The following MGMT variants were observed in gnomAD, a reference collection of about 807,000 sequenced individuals.
MGMT encodes the protein O-6-methylguanine-DNA methyltransferase.
A neutral mutation model predicts 15.9 loss-of-function variants in MGMT; 14 were observed. That is an observed-to-expected ratio of 0.88 (90% CI 0.58 to 1.37). The LOEUF is 1.37. Among genes scored for constraint, MGMT ranks in the 40% most tolerant of loss-of-function variants. The probability of loss-of-function intolerance (pLI) is 0.00; values close to 1 mark genes in which losing one functional copy is unlikely to be tolerated. For synonymous variants in MGMT, 130 were observed against 118.2 expected (o/e 1.10, Z -0.65); for missense variants, 282 against 268.1 (o/e 1.05, Z -0.36).
At chr10:129,650,806 AG>A (rs1847448577) in intron 2 of MGMT, among the ~76,000 whole-genome samples, 1 of 152,094 alleles carries the variant, frequency 6.6e-6, no homozygotes, top group Non-Finnish European at 1.5e-5. Context: ...GTCCTTGGTG[AG>A]GGCAGGAGGA....
intron 2 of MGMT, among the ~76,000 whole-genome samples, chr10:129,691,324 C>T (rs1444800446): frequency 6.6e-6 from 1 of 152,196 alleles, no homozygotes; most frequent in Non-Finnish European, 1.5e-5. Context: ...GTCCAGTAGT[C>T]AGGGTGAGGT....
At chr10:129,519,227 T>A (rs543285966) in intron 1 of MGMT, among the ~76,000 whole-genome samples, 2 of 152,336 alleles carry the variant, frequency 1.3e-5, no homozygotes, top group South Asian at 4.1e-4. Flanking sequence ...TACTGTAAGA[T>A]AAAAGACTGG....
At chr10:129,711,041 G>A (rs1848227125) in intron 3 of MGMT, among the ~76,000 whole-genome samples, 1 of 152,110 alleles carries the variant, frequency 6.6e-6, no homozygotes, top group Non-Finnish European at 1.5e-5. Context: ...CCAGCACATT[G>A]ACCATTTCTT....
chr10:129,534,710 C>G (rs546681065), intron 1 of MGMT, among the ~76,000 whole-genome samples: 20 of 151,554 alleles, frequency 1.3e-4, no homozygotes, highest in Admixed American at 8.5e-4. Context: ...AGCAAGGTGC[C>G]CAGCGGACAA....
chr10:129,740,763 G>A (rs752932794), intron 3 of MGMT, among the ~76,000 whole-genome samples: 9 of 152,282 alleles, frequency 5.9e-5, no homozygotes, highest in Non-Finnish European at 1.2e-4. Flanking sequence ...ATAGGCTGCC[G>A]TCTGGGCCTG....
intron 3 of MGMT, among the ~76,000 whole-genome samples, chr10:129,739,592 T>TA (rs1848606920): frequency 6.6e-6 from 1 of 152,028 alleles, no homozygotes. Flanking sequence ...TCAGAGCCCC[T>TA]ACGCCCTGGT....
At chr10:129,476,212 A>G (rs1298773059) in intron 1 of MGMT, among the ~76,000 whole-genome samples, 1 of 152,070 alleles carries the variant, frequency 6.6e-6, no homozygotes, top group Non-Finnish European at 1.5e-5. Flanking sequence ...TGTAATTAGA[A>G]CATCTCCCAG....
At chr10:129,500,047 C>G (rs1845559624) in intron 1 of MGMT, among the ~76,000 whole-genome samples, 1 of 152,136 alleles carries the variant, frequency 6.6e-6, no homozygotes, top group Admixed American at 6.5e-5. Context: ...TTTCCTAATT[C>G]TTTCTTTCTT....
At chr10:129,748,209 C>T (rs1848716140) in intron 3 of MGMT, among the ~76,000 whole-genome samples, 2 of 152,114 alleles carry the variant, frequency 1.3e-5, no homozygotes, top group Non-Finnish European at 2.9e-5. Flanking sequence ...GAGTTCTTCT[C>T]CCTCACCTAT....
At chr10:129,643,691 C>T (rs1178307031) in intron 2 of MGMT, among the ~76,000 whole-genome samples, 1 of 152,206 alleles carries the variant, frequency 6.6e-6, no homozygotes, top group Non-Finnish European at 1.5e-5. Flanking sequence ...CTTCAATGTT[C>T]ACAGTAGTCT....
chr10:129,730,209 G>A (rs577645950), intron 3 of MGMT, among the ~76,000 whole-genome samples: 6 of 152,238 alleles, frequency 3.9e-5, no homozygotes, highest in African/African-American at 1.4e-4. Flanking sequence ...GCAACCATTG[G>A]CGCATTGAGC....
chr10:129,626,409 CCTTG>C (rs35568668), intron 2 of MGMT, among the ~76,000 whole-genome samples: 70,949 of 151,658 alleles, frequency 0.47, 17,250 homozygotes, highest in East Asian at 0.62. Flanking sequence ...TTTGAGACTT[CCTTG>C]AGCTTCCGGC....
At chr10:129,475,935 T>C (rs1334004120) in intron 1 of MGMT, among the ~76,000 whole-genome samples, 1 of 152,214 alleles carries the variant, frequency 6.6e-6, no homozygotes, top group African/African-American at 2.4e-5. Flanking sequence ...AAAGCCACAA[T>C]CCATGACCAT....
At chr10:129,548,015 A>G (rs978330609) in intron 2 of MGMT, among the ~76,000 whole-genome samples, 1 of 152,258 alleles carries the variant, frequency 6.6e-6, no homozygotes, top group African/African-American at 2.4e-5. Flanking sequence ...TATGTGAAGT[A>G]TGCACATTCT....
chr10:129,638,830 G>A (rs1405600099), intron 2 of MGMT, among the ~76,000 whole-genome samples: 1 of 152,102 alleles, frequency 6.6e-6, no homozygotes, highest in African/African-American at 2.4e-5. Context: ...GCCACTCAAA[G>A]GTTATCCAAA....
intron 2 of MGMT, among the ~76,000 whole-genome samples, chr10:129,564,529 T>TTTCCTCCTCCACTTCCTCATC (rs1424291508): frequency 1.4e-5 from 1 of 73,488 alleles, no homozygotes; most frequent in Non-Finnish European, 2.7e-5. Flanking sequence ...ACTTCCTCAT[T>TTTCCTCCTCCACTTCCTCATC]TTCCTCCTCC....
intron 2 of MGMT, among the ~76,000 whole-genome samples, chr10:129,680,870 G>A (rs150285737): frequency 0.029 from 4,345 of 152,274 alleles, 90 homozygotes; most frequent in Non-Finnish European, 0.041. Flanking sequence ...CCTCCCCACA[G>A]GGGCCTTGGG....
intron 2 of MGMT, among the ~76,000 whole-genome samples, chr10:129,615,329 G>A (rs1317387662): frequency 6.6e-6 from 1 of 152,184 alleles, no homozygotes. Flanking sequence ...TGTGGGCTGC[G>A]CTGGACAGCA....
intron 2 of MGMT, among the ~76,000 whole-genome samples, chr10:129,696,168 GA>G: frequency 6.6e-6 from 1 of 152,298 alleles, no homozygotes; most frequent in Non-Finnish European, 1.5e-5. Context: ...GAGGAGAAAT[GA>G]GGGTACAGCA....
Sources: allele counts gnomAD v4.1 joint callset (sites outside exome capture counted in the v4.1 genomes callset), GRCh38; gene constraint gnomAD v4.1.1; transcripts MANE v1.5; gene names NCBI Gene and HGNC (gene_info 2026-07-23, HGNC 2026-07-21).